Variants in VAPB observed in about 807,000 individuals in gnomAD.
VAPB encodes the protein VAMP associated protein B and C, also known as vesicle-associated membrane protein-associated protein B/C.
A neutral mutation model predicts 25.6 loss-of-function variants in VAPB; 7 were observed. That is an observed-to-expected ratio of 0.27 (90% CI 0.16 to 0.51). VAPB has a LOEUF of 0.51. Ranked by LOEUF, VAPB falls within the 20% of genes least tolerant of loss-of-function variation. VAPB has a pLI of 0.97. For synonymous variants in VAPB, 112 were observed against 109.2 expected, an observed-to-expected ratio of 1.03 and a Z score of -0.16; for missense variants, 266 against 301.3, an observed-to-expected ratio of 0.88 and a Z score of 0.87.
rs746628462 is a variant in VAPB at position 58,446,653 on chromosome 20, A to G, written c.*2418A>G. 2.2e-6 allele frequency: 1 copy of G among 454,110 alleles called. No individual in the cohort carries two copies. The allele number at this position is 454,110 out of a possible 1,614,324, so 28.1% of individuals were successfully genotyped here. A position where few individuals can be genotyped will look rare whatever the true frequency, so the allele number is the denominator to read the frequency against. On this transcript the variant is annotated 3_prime_UTR_variant, in exon 6 of 6. Coordinates refer to ENST00000475243, the MANE Select transcript of VAPB (RefSeq NM_004738.5). ...GGATGTGGACATTTTGGTTGCAGCT[A>G]AAAATCAGTCTCTGAAGTCTCTCTC...
chr20:58,438,401 C>T (rs1359107519), intron 3 of VAPB, among the ~76,000 whole-genome samples: 1 of 152,176 alleles, frequency 6.6e-6, no homozygotes, highest in Non-Finnish European at 1.5e-5. Context: ...CCTCAGCCTC[C>T]TGAGTAGCTG....
rs1454412815 is a variant in VAPB at position 58,446,920 on chromosome 20, T to C, written c.*2685T>C. The stretch of plus-strand genomic sequence containing the variant: ...TAGAATTACATAATGAAAAAAAGAA[T>C]AAGGCAAAGAGGAGGTGAATATGGG... On this transcript the variant is annotated 3_prime_UTR_variant, in exon 6 of 6. Coordinates refer to ENST00000475243, the MANE Select transcript of VAPB (RefSeq NM_004738.5). 1 of 453,992 alleles carries C rather than the reference T, an allele frequency of 2.2e-6. No individual in the cohort carries two copies. The highest frequency in any genetic ancestry group is 7.0e-5 in the East Asian group (1 of 14,386). 28.1% of individuals were successfully genotyped at this position (453,992 alleles called of 1,614,324 possible).
chr20:58,407,729 T>TG (rs1568702551), intron 1 of VAPB, among the ~76,000 whole-genome samples: 1 of 152,112 alleles, frequency 6.6e-6, no homozygotes, highest in Non-Finnish European at 1.5e-5. Flanking sequence ...GATCACTTAA[T>TG]GTAGTGTCAT....
In VAPB at chr20:58,445,590, A is replaced by C. The variant is rs1309717982; in HGVS notation, c.*1355A>C. On this transcript the variant is annotated 3_prime_UTR_variant, in exon 6 of 6. Transcript: ENST00000475243. Reference sequence around the variant, plus strand: ...TTTGTCACATTTGCTCTATGGGGGGAATTATTATTTTATCATTTTTATTAT... The same window carrying C: ...TTTGTCACATTTGCTCTATGGGGGGCATTATTATTTTATCATTTTTATTAT... The C allele has an allele frequency of 2.2e-6, 1 of 453,798 alleles. No individual in the cohort carries two copies. The highest frequency in any genetic ancestry group is 2.0e-5 in the African/African-American group (1 of 49,798). 28.1% of individuals were successfully genotyped at this position (453,798 alleles called of 1,614,324 possible). A position where few individuals can be genotyped will look rare whatever the true frequency, so the allele number is the denominator to read the frequency against.
intron 1 of VAPB, among the ~76,000 whole-genome samples, chr20:58,408,812 G>C (rs566010331): frequency 2.0e-5 from 3 of 151,530 alleles, no homozygotes; most frequent in Non-Finnish European, 4.4e-5. Flanking sequence ...AGGAAGTCTC[G>C]TATTCATGCA....
rs750362553 is a variant in VAPB, at chr20:58,447,061, A to G, written c.*2826A>G. The G allele has an allele frequency of 8.4e-5, 38 of 453,830 alleles. No individual in the cohort carries two copies. Among genetic ancestry groups the G allele is most frequent in the South Asian group, 5.9e-4 (38 of 64,464 alleles). 28.1% of individuals were successfully genotyped at this position (453,830 alleles called of 1,614,324 possible). Reference sequence around the variant, plus strand: ...TGCCGCTGGGCAGTGTGCATGGGGGAGCTGCTGCCAGGCTGCCCTCCAGTC... The same window carrying G: ...TGCCGCTGGGCAGTGTGCATGGGGGGGCTGCTGCCAGGCTGCCCTCCAGTC... On this transcript the variant is annotated 3_prime_UTR_variant, in exon 6 of 6. Coordinates refer to ENST00000475243, the MANE Select transcript of VAPB (RefSeq NM_004738.5).
At chr20:58,402,570 T>TC (rs1988125578) in intron 1 of VAPB, among the ~76,000 whole-genome samples, 1 of 151,508 alleles carries the variant, frequency 6.6e-6, no homozygotes, top group African/African-American at 2.4e-5. Context: ...CCCTTTTTTT[T>TC]TTTTTTTTTT....
At position 58,446,502 on chromosome 20, in the gene VAPB, T is replaced by C; in HGVS notation, c.*2267T>C. 1 of 454,080 alleles carries C rather than the reference T, an allele frequency of 2.2e-6. No homozygotes were observed. Among genetic ancestry groups the C allele is most frequent in the Non-Finnish European group, 4.4e-6 (1 of 226,774 alleles). The allele number at this position is 454,080 out of a possible 1,614,324, so 28.1% of individuals were successfully genotyped here. A position where few individuals can be genotyped will look rare whatever the true frequency, so the allele number is the denominator to read the frequency against. ...TTTATTCACAAAAACAGCCGGGTCA[T>C]GGGATTTGGCTTGTGAGTCTGTAAC... is the stretch of plus-strand genomic sequence containing the variant. On this transcript the variant is annotated 3_prime_UTR_variant, in exon 6 of 6. Coordinates refer to ENST00000475243, the MANE Select transcript of VAPB (RefSeq NM_004738.5).
At chr20:58,391,514 G>T (rs2123010317) in intron 1 of VAPB, among the ~76,000 whole-genome samples, 1 of 152,194 alleles carries the variant, frequency 6.6e-6, no homozygotes, top group East Asian at 1.9e-4. Flanking sequence ...AGATGACTGG[G>T]CTCCTTTGGG....
chr20:58,449,368 A>G lies in VAPB; in HGVS notation c.*5133A>G. On this transcript the variant is annotated 3_prime_UTR_variant, in exon 6 of 6. Transcript: ENST00000475243. ...TTAAAAGACATGAACTCACATAAAC[A>G]GTTATGGATGATAGTTAAAAGAGAA... The G allele has an allele frequency of 2.2e-6, 1 of 453,522 alleles. No homozygotes were observed. The highest frequency in any genetic ancestry group is 1.6e-5 in the South Asian group (1 of 64,168). 28.1% of individuals were successfully genotyped at this position (453,522 alleles called of 1,614,324 possible).
rs1309717982 is a variant in VAPB at position 58,445,590 on chromosome 20, A to T, written c.*1355A>T. On this transcript the variant is annotated 3_prime_UTR_variant, in exon 6 of 6. Transcript: ENST00000475243. ...TTTGTCACATTTGCTCTATGGGGGG[A>T]ATTATTATTTTATCATTTTTATTAT... 1 of 453,914 alleles carries T rather than the reference A, an allele frequency of 2.2e-6. No individual in the cohort carries two copies. The highest frequency in any genetic ancestry group is 7.0e-5 in the East Asian group (1 of 14,378). 28.1% of individuals were successfully genotyped at this position (453,914 alleles called of 1,614,324 possible). A position where few individuals can be genotyped will look rare whatever the true frequency, so the allele number is the denominator to read the frequency against.
At chr20:58,395,505 A>G (rs552421161) in intron 1 of VAPB, among the ~76,000 whole-genome samples, 7 of 152,334 alleles carry the variant, frequency 4.6e-5, no homozygotes, top group Non-Finnish European at 8.8e-5. Flanking sequence ...AAGGATGATC[A>G]TGATTTGGGA....
intron 1 of VAPB, among the ~76,000 whole-genome samples, chr20:58,402,632 T>C (rs1197267189): frequency 6.6e-6 from 1 of 150,398 alleles, no homozygotes; most frequent in Admixed American, 6.7e-5. Context: ...GCACAGTGCA[T>C]GGTGCATGGC....
intron 1 of VAPB, chr20:58,390,050 ACAGGCT>A (rs1987754376): frequency 6.5e-6 from 1 of 154,230 alleles, no homozygotes; most frequent in East Asian, 1.9e-4. Context: ...CTGCATGAGG[ACAGGCT>A]CTTGTCAGTT....
At chr20:58,393,993 A>G (rs543925909) in intron 1 of VAPB, among the ~76,000 whole-genome samples, 2 of 152,292 alleles carry the variant, frequency 1.3e-5, no homozygotes, top group South Asian at 2.1e-4. Flanking sequence ...CGGCCTCCCA[A>G]AGTGCTGGGA....
chr20:58,415,106 CTG>C (rs59828952), intron 1 of VAPB, among the ~76,000 whole-genome samples: 50,976 of 152,070 alleles, frequency 0.34, 8,844 homozygotes, highest in African/African-American at 0.35. Context: ...CGCAGGCACT[CTG>C]TATTTGCCTT....
chr20:58,428,829 A>G (rs190639718), intron 2 of VAPB, among the ~76,000 whole-genome samples: 70 of 152,296 alleles, frequency 4.6e-4, no homozygotes, highest in African/African-American at 1.7e-3. Context: ...TAGCTGAGAA[A>G]TACAAACTCT....
intron 1 of VAPB, among the ~76,000 whole-genome samples, chr20:58,408,784 A>C (rs999782542): frequency 6.6e-6 from 1 of 152,164 alleles, no homozygotes; most frequent in Admixed American, 6.5e-5. Context: ...CAGCAGAATC[A>C]GAGTACAATG....
At chr20:58,424,394 C>G (rs753168420) in intron 2 of VAPB, among the ~76,000 whole-genome samples, 1 of 152,006 alleles carries the variant, frequency 6.6e-6, no homozygotes, top group Admixed American at 6.6e-5. Flanking sequence ...GGCAAGAACA[C>G]CACCGAGAGC....
Sources: gnomAD v4.1 joint callset for allele counts (sites outside exome capture counted in the v4.1 genomes callset) on GRCh38, gnomAD v4.1.1 for gene constraint, MANE v1.5 for transcripts, NCBI Gene and HGNC (gene_info 2026-07-23, HGNC 2026-07-21) for gene names.